The following DNAH11 variants were observed in gnomAD, a reference collection of about 807,000 sequenced individuals.
DNAH11 encodes axonemal beta dynein heavy chain 11.
Under a neutral mutation model 526.0 loss-of-function variants are expected in DNAH11, and 442 were observed. That is an observed-to-expected ratio of 0.84 (90% confidence interval 0.78 to 0.91). DNAH11 has a LOEUF of 0.91. Ranked by LOEUF, DNAH11 falls within the 40% of genes least tolerant of loss-of-function variation. DNAH11 has a pLI of 0.00. For missense variants in DNAH11, 6,989 were observed against 5,448.7 expected, an observed-to-expected ratio of 1.28 and a Z score of -8.90; for synonymous variants, 2,461 against 1,935.9, an observed-to-expected ratio of 1.27 and a Z score of -7.12.
At chr7:21,816,793 C>A in intron 64 of DNAH11, 91 bp downstream of exon 64, 1 of 978,712 alleles carries the variant, frequency 1.0e-6, no homozygotes, top group Non-Finnish European at 1.6e-6. Flanking sequence ...TAGACCTCTC[C>A]ACCACATTGA....
intron 68 of DNAH11, among the ~76,000 whole-genome samples, chr7:21,855,919 G>A (rs1303441894): frequency 6.6e-6 from 1 of 152,126 alleles, no homozygotes; most frequent in Non-Finnish European, 1.5e-5. Flanking sequence ...TGATAGAGGT[G>A]GAGAGGCTGC....
intron 30 of DNAH11, among the ~76,000 whole-genome samples, chr7:21,672,196 G>A (rs1187518365): frequency 6.6e-6 from 1 of 152,122 alleles, no homozygotes; most frequent in Non-Finnish European, 1.5e-5. Flanking sequence ...TGTTAGAAAG[G>A]GATCCAGGAT....
At chr7:21,878,917 C>A (rs1469515543) in intron 74 of DNAH11, among the ~76,000 whole-genome samples, 1 of 152,180 alleles carries the variant, frequency 6.6e-6, no homozygotes, top group East Asian at 1.9e-4. Context: ...TTTTAAAGGA[C>A]AAGGCAGGGA....
intron 30 of DNAH11, among the ~76,000 whole-genome samples, chr7:21,673,907 G>GT (rs72169473): frequency 0.038 from 5,675 of 147,872 alleles, 245 homozygotes; most frequent in African/African-American, 0.1. Flanking sequence ...TTATATTCAT[G>GT]TTTTTTTTTT....
Position 21,559,711 on chromosome 7 carries a change from G to A in DNAH11, c.801G>A (p.Leu267=). The part of the protein sequence containing the change: ...IIERDSVQRL[L]NGLHLSPQAE... ...AAAGAGATTCAGTGCAGCGTTTGTT[G>A]AATGGTCTTCACTTGTCTCCTCAAG... The change falls in exon 4 of 82, where the codon TTG becomes TTA. Residue 267 remains leucine (L), a synonymous_variant. Coordinates refer to ENST00000409508, the MANE Select transcript of DNAH11 (RefSeq NM_001277115.2). The A allele has an allele frequency of 6.2e-7, 1 of 1,610,312 alleles. No homozygotes were observed. The highest frequency in any genetic ancestry group is 1.3e-5 in the African/African-American group (1 of 75,008).
Position 21,655,945 on chromosome 7 carries a change from T to C in DNAH11, c.5058T>C (p.Tyr1686=). 6.2e-7 allele frequency: 1 copy of C among 1,610,542 alleles called. No individual in the cohort carries two copies. The change falls in exon 29 of 82, where the codon TAT becomes TAC. Residue 1686 remains tyrosine (Y), a synonymous_variant. Transcript: ENST00000409508. ...GAATGTACAGCAAAGAAAAGGAGTA[T>C]GTCCCATTCCAAGCCGAGTGTGAAT... ...AVGMYSKEKE[Y]VPFQAECECV...
intron 39 of DNAH11, among the ~76,000 whole-genome samples, chr7:21,707,301 A>G (rs1784306560): frequency 6.6e-6 from 1 of 152,106 alleles, no homozygotes; most frequent in South Asian, 2.1e-4. Flanking sequence ...GTATTTTAAT[A>G]CCCTCCAAAC....
intron 35 of DNAH11, 104 bp downstream of exon 35, chr7:21,690,985 A>G (rs1314160031): frequency 6.3e-6 from 5 of 794,762 alleles, no homozygotes; most frequent in Admixed American, 2.8e-5. Flanking sequence ...ATTCCTAAGG[A>G]AAATCCTATA....
chr7:21,901,174 A>G lies in DNAH11; in HGVS notation c.13471A>G (p.Ile4491Val). 1.2e-6 allele frequency: 2 copies of G among 1,610,612 alleles called. No individual in the cohort carries two copies. The highest frequency in any genetic ancestry group is 2.2e-5 in the South Asian group (2 of 90,926). ...YRTKLRGPSY[I>V]WTFRLKSEEK... ...AACCAAACTGAGAGGCCCCAGCTAC[A>G]TCTGGACCTTCAGGCTGAAGAGCGA... The change falls in exon 82 of 82, where the codon ATC (isoleucine) becomes GTC (valine). Residue 4491 changes from isoleucine to valine, a missense_variant. By Grantham distance (29) the Ile-to-Val change is conservative. Transcript: ENST00000409508.
At chr7:21,765,843 C>T (rs545832585) in intron 55 of DNAH11, among the ~76,000 whole-genome samples, 1 of 152,334 alleles carries the variant, frequency 6.6e-6, no homozygotes, top group Non-Finnish European at 1.5e-5. Context: ...GGCACGCACA[C>T]AGCACTTGAG....
chr7:21,879,559 G>A (rs1331931225), intron 74 of DNAH11, among the ~76,000 whole-genome samples: 1 of 152,088 alleles, frequency 6.6e-6, no homozygotes, highest in Non-Finnish European at 1.5e-5. Context: ...TTAGTTCATT[G>A]GAAGGAAATA....
Position 21,742,069 on chromosome 7 carries a change from C to A in DNAH11, c.8057C>A (p.Thr2686Lys), listed in dbSNP as rs376733165. The A allele has an allele frequency of 4.3e-6, 7 of 1,613,970 alleles. No homozygotes were observed. The highest frequency in any genetic ancestry group is 2.2e-5 in the East Asian group (1 of 44,884). The change falls in exon 49 of 82, where the codon ACA (threonine) becomes AAA (lysine). Residue 2686 changes from threonine to lysine, a missense_variant. Thr to Lys is a moderately conservative substitution (Grantham distance 78). Transcript: ENST00000409508. Reference protein sequence around the residue: ...LRSGPTLIQATIAFHQTMMCN... With the variant: ...LRSGPTLIQAKIAFHQTMMCN... The stretch of plus-strand genomic sequence containing the variant: ...AGTGGCCCCACTTTGATCCAGGCAA[C>A]AATAGCATTCCATCAGACAATGATG...
chr7:21,610,653 T>C (rs1208771207), intron 20 of DNAH11, among the ~76,000 whole-genome samples: 1 of 151,670 alleles, frequency 6.6e-6, no homozygotes, highest in Non-Finnish European at 1.5e-5. Flanking sequence ...CTATCAACCA[T>C]GATCAGTTGA....
At chr7:21,879,482 C>T (rs1321592718) in intron 74 of DNAH11, among the ~76,000 whole-genome samples, 1 of 151,746 alleles carries the variant, frequency 6.6e-6, no homozygotes, top group Non-Finnish European at 1.5e-5. Context: ...AAAAACCTCA[C>T]AGGTCTAGAC....
At chr7:21,749,874 A>G in intron 53 of DNAH11, 73 bp downstream of exon 53, 1 of 1,593,368 alleles carries the variant, frequency 6.3e-7, no homozygotes, top group Non-Finnish European at 8.6e-7. Flanking sequence ...TGAACTTTAA[A>G]GAGAGAGAAT....
chr7:21,868,806 G>A, intron 72 of DNAH11, 58 bp from the exon 73 acceptor site: 1 of 1,605,862 alleles, frequency 6.2e-7, no homozygotes, highest in Non-Finnish European at 8.5e-7. Context: ...CAGAATTCCA[G>A]GCTCCTCTCA....
At chr7:21,722,376 A>AATAG in intron 44 of DNAH11, among the ~76,000 whole-genome samples, 1 of 152,348 alleles carries the variant, frequency 6.6e-6, no homozygotes, top group Admixed American at 6.5e-5. Flanking sequence ...TTACATTAAA[A>AATAG]ATAGATAGCA....
intron 61 of DNAH11, among the ~76,000 whole-genome samples, chr7:21,793,404 T>G (rs1434260403): frequency 2.6e-5 from 4 of 152,008 alleles, no homozygotes; most frequent in Non-Finnish European, 5.9e-5. Context: ...GATCATGAGG[T>G]CAGGAGATTG....
intron 26 of DNAH11, among the ~76,000 whole-genome samples, chr7:21,637,345 G>A (rs1276741886): frequency 1.3e-5 from 2 of 151,478 alleles, no homozygotes; most frequent in African/African-American, 4.9e-5. Flanking sequence ...GTTTGATTTA[G>A]AAGAGAAAAA....
Sources: gnomAD v4.1 joint callset for allele counts (sites outside exome capture counted in the v4.1 genomes callset) on GRCh38, gnomAD v4.1.1 for gene constraint, MANE v1.5 for transcripts, NCBI Gene and HGNC (gene_info 2026-07-23, HGNC 2026-07-21) for gene names.